Variants in GALNTL6 observed in about 807,000 individuals in gnomAD.
GALNTL6 encodes the protein polypeptide N-acetylgalactosaminyltransferase like 6.
Under a neutral mutation model 73.7 loss-of-function variants are expected in GALNTL6, and 46 were observed. That is an observed-to-expected ratio of 0.62 (90% CI 0.49 to 0.80). The LOEUF (loss-of-function observed/expected upper bound fraction) is 0.80. GALNTL6 is among the 30% of genes least tolerant of loss of function. The pLI is 0.00. For missense variants in GALNTL6, 604 were observed against 755.0 expected, an observed-to-expected ratio of 0.80 and a Z score of 2.34; for synonymous variants, 259 against 263.7, an observed-to-expected ratio of 0.98 and a Z score of 0.17.
At chr4:172,340,144 A>G (rs938526360) in intron 4 of GALNTL6, among the ~76,000 whole-genome samples, 1 of 152,152 alleles carries the variant, frequency 6.6e-6, no homozygotes, top group African/African-American at 2.4e-5. Flanking sequence ...TATATATGGC[A>G]TGTATTAAGT....
At chr4:172,180,007 T>C (rs910186082) in intron 2 of GALNTL6, among the ~76,000 whole-genome samples, 15 of 152,346 alleles carry the variant, frequency 9.8e-5, no homozygotes, top group Non-Finnish European at 1.9e-4. Context: ...TCTAGATCCT[T>C]GAGGAATCGC....
At chr4:172,112,288 A>T (rs1732872880) in intron 2 of GALNTL6, among the ~76,000 whole-genome samples, 1 of 152,056 alleles carries the variant, frequency 6.6e-6, no homozygotes, top group East Asian at 1.9e-4. Flanking sequence ...TTATTTATCC[A>T]GTCACCTACT....
At position 172,428,748 on chromosome 4, in the gene GALNTL6, T is replaced by A. The variant is rs560197968; in HGVS notation, c.553+80059T>A. ...GAGATATAGAGATAGAACCAAAGAATCAAAATTCTGCACAATTTTTTTCCA... is the reference window on the plus strand; with the variant it reads ...GAGATATAGAGATAGAACCAAAGAAACAAAATTCTGCACAATTTTTTTCCA... On this transcript the variant is annotated intron_variant, in intron 5 of 12. Coordinates refer to ENST00000506823, the MANE Select transcript of GALNTL6 (RefSeq NM_001034845.3). Among the ~76,000 whole-genome samples the A allele has an allele frequency of 3.9e-5, 6 of 152,288 alleles. No individual in the cohort carries two copies. In the South Asian group the frequency reaches 1.2e-3, roughly 32 times the overall value.
intron 10 of GALNTL6, among the ~76,000 whole-genome samples, chr4:172,956,709 C>G (rs1749770539): frequency 6.6e-6 from 1 of 152,170 alleles, no homozygotes; most frequent in Non-Finnish European, 1.5e-5. Context: ...TGGGCTGTAC[C>G]TTGTAGCATT....
At chr4:172,581,085 C>T (rs1462236087) in intron 5 of GALNTL6, among the ~76,000 whole-genome samples, 1 of 152,148 alleles carries the variant, frequency 6.6e-6, no homozygotes, top group Non-Finnish European at 1.5e-5. Context: ...AATTTATATA[C>T]AACATCGTTT....
rs547955139 is a variant in GALNTL6 at position 172,739,231 on chromosome 4, T to C, written c.554-70130T>C. ...TACTGGAATAATATGTAGCCCATAT[T>C]GTATATACCAGTGAGATTGTGGATG... On this transcript the variant is annotated intron_variant, in intron 5 of 12. Coordinates refer to ENST00000506823, the MANE Select transcript of GALNTL6 (RefSeq NM_001034845.3). 1.3e-5 allele frequency among the ~76,000 whole-genome samples: 2 copies of C among 152,286 alleles called. 1 individual carries two copies. The highest frequency in any genetic ancestry group is 4.1e-4 in the South Asian group (2 of 4,828).
intron 8 of GALNTL6, among the ~76,000 whole-genome samples, chr4:172,891,151 T>A (rs1746008771): frequency 6.6e-6 from 1 of 151,902 alleles, no homozygotes; most frequent in Non-Finnish European, 1.5e-5. Context: ...CTTGCCACTC[T>A]GTGCTTTTTA....
chr4:172,445,303 GAAGTTT>G (rs1325068402), intron 5 of GALNTL6, among the ~76,000 whole-genome samples: 9 of 152,130 alleles, frequency 5.9e-5, no homozygotes, highest in African/African-American at 1.9e-4. Flanking sequence ...CTGGTGACTT[GAAGTTT>G]ATCAACTTAA....
intron 5 of GALNTL6, among the ~76,000 whole-genome samples, chr4:172,654,270 G>T (rs753647699): frequency 3.3e-5 from 5 of 152,286 alleles, no homozygotes; most frequent in Non-Finnish European, 7.4e-5. Flanking sequence ...CCGTGGCTGT[G>T]CACTGTAAGT....
intron 2 of GALNTL6, among the ~76,000 whole-genome samples, chr4:171,852,846 GT>G (rs1333551734): frequency 4.6e-5 from 7 of 151,284 alleles, no homozygotes; most frequent in South Asian, 2.1e-4. Context: ...GGATGTAGGA[GT>G]TTTTTGTTTT....
At chr4:172,365,203 G>C (rs1742513604) in intron 5 of GALNTL6, among the ~76,000 whole-genome samples, 1 of 152,138 alleles carries the variant, frequency 6.6e-6, no homozygotes, top group African/African-American at 2.4e-5. Context: ...CAATGTTTCT[G>C]AGTGGAGGAG....
At position 172,901,707 on chromosome 4, in the gene GALNTL6, C is replaced by G. The variant is rs75194366; in HGVS notation, c.1041+18800C>G. Among the ~76,000 whole-genome samples, 173 of 152,262 alleles carry G rather than the reference C, an allele frequency of 1.1e-3. 1 individual carries two copies. The highest frequency in any genetic ancestry group is 4.0e-3 in the African/African-American group (166 of 41,556). ...CCAGAAAATTGCTTTATCTGAAGGA[C>G]TGAGTTTTTGCTCAAACAGTATTTG... On this transcript the variant is annotated intron_variant, in intron 8 of 12. Coordinates refer to ENST00000506823, the MANE Select transcript of GALNTL6 (RefSeq NM_001034845.3).
chr4:172,098,358 G>A (rs765030388), intron 2 of GALNTL6, among the ~76,000 whole-genome samples: 6 of 151,956 alleles, frequency 3.9e-5, no homozygotes, highest in Non-Finnish European at 7.4e-5. Flanking sequence ...AGTGTGTGGT[G>A]GTATGGAAAA....
chr4:172,134,437 A>C (rs114808181), intron 2 of GALNTL6, among the ~76,000 whole-genome samples: 12 of 152,190 alleles, frequency 7.9e-5, no homozygotes, highest in African/African-American at 2.9e-4. Flanking sequence ...GATTAGGAAA[A>C]CATGGTTTAT....
At chr4:172,032,417 A>C (rs1158928443) in intron 2 of GALNTL6, among the ~76,000 whole-genome samples, 1 of 152,118 alleles carries the variant, frequency 6.6e-6, no homozygotes, top group Non-Finnish European at 1.5e-5. Context: ...GAACAATTAC[A>C]TTTTATTAAA....
intron 2 of GALNTL6, among the ~76,000 whole-genome samples, chr4:171,932,664 T>C (rs1205195219): frequency 6.6e-6 from 1 of 152,184 alleles, no homozygotes; most frequent in Non-Finnish European, 1.5e-5. Context: ...TATGTTACTA[T>C]TAAAATGAGT....
At chr4:172,469,681 T>C (rs1245366505) in intron 5 of GALNTL6, among the ~76,000 whole-genome samples, 1 of 152,198 alleles carries the variant, frequency 6.6e-6, no homozygotes, top group Non-Finnish European at 1.5e-5. Context: ...TATGTGCTCT[T>C]ATTTAATATT....
At chr4:171,892,572 C>T (rs934152221) in intron 2 of GALNTL6, among the ~76,000 whole-genome samples, 1 of 151,964 alleles carries the variant, frequency 6.6e-6, no homozygotes, top group African/African-American at 2.4e-5. Context: ...TTACAAATAA[C>T]GTTTTTTAAG....
chr4:172,321,555 GAAAC>G (rs1483683910), intron 4 of GALNTL6, among the ~76,000 whole-genome samples: 1 of 151,930 alleles, frequency 6.6e-6, no homozygotes, highest in African/African-American at 2.4e-5. Flanking sequence ...CATAATGAAA[GAAAC>G]AAAGAAAGGT....
Sources: gnomAD v4.1 joint callset for allele counts (sites outside exome capture counted in the v4.1 genomes callset) on GRCh38, gnomAD v4.1.1 for gene constraint, MANE v1.5 for transcripts, NCBI Gene and HGNC (gene_info 2026-07-23, HGNC 2026-07-21) for gene names.